CDK16: variants seen among roughly 807,000 people sequenced by gnomAD.
CDK16 encodes the protein cyclin dependent kinase 16, also known as cyclin-dependent kinase 16.
In CDK16, 2 loss-of-function variants were observed where a neutral mutation model predicts 41.6. That is an observed-to-expected ratio of 0.05 (90% CI 0.02 to 0.15). The LOEUF is 0.15. CDK16 is among the 10% of genes least tolerant of loss of function. CDK16 has a pLI of 1.00. For synonymous variants in CDK16, 169 were observed against 169.7 expected (o/e 1.00, Z 0.03); for missense variants, 228 against 428.9 (o/e 0.53, Z 4.14).
chrX:47,228,421 T>C, intron 14 of CDK16, 146 bp from the exon 15 acceptor site: 1 of 453,858 alleles, frequency 2.2e-6, no homozygotes, highest in Non-Finnish European at 3.9e-6. Context: ...TTGTAGCTGG[T>C]TTGTGTATGG....
At chrX:47,227,835 C>G (rs1239021590) in intron 14 of CDK16, 2 of 155,468 alleles carry the variant, frequency 1.3e-5, no homozygotes, top group Non-Finnish European at 2.4e-5. Flanking sequence ...ATGTTAAAAG[C>G]TCCCCACCCC....
chrX:47,222,953 C>CCCCG, intron 1 of CDK16: 2 of 571,075 alleles, frequency 3.5e-6, no homozygotes, highest in Non-Finnish European at 4.7e-6. Flanking sequence ...GACACACGCT[C>CCCCG]CCCTCCCCCC....
At chrX:47,223,811 G>C (rs1231277060) in intron 2 of CDK16, 52 bp downstream of exon 2, 1 of 1,068,070 alleles carries the variant, frequency 9.4e-7, no homozygotes, top group African/African-American at 1.8e-5. Context: ...TGCTTCCCAG[G>C]TGTTGCCTCC....
rs1282188525 is a variant in CDK16 at position 47,229,100 on chromosome X, C to T, written c.*332C>T. On this transcript the variant is annotated 3_prime_UTR_variant, in exon 16 of 16. Coordinates refer to ENST00000357227, the MANE Select transcript of CDK16 (RefSeq NM_006201.5). Reference sequence around the variant, plus strand: ...CCCATCATACCAGCCCCCAGGACCACTACCCCACGGCCAGCCAGGGGTCCA... The same window carrying T: ...CCCATCATACCAGCCCCCAGGACCATTACCCCACGGCCAGCCAGGGGTCCA... The T allele has an allele frequency of 8.2e-6, 3 of 365,782 alleles. No individual in the cohort carries two copies. Among genetic ancestry groups the T allele is most frequent in the Admixed American group, 4.5e-5 (1 of 22,268 alleles). The allele number at this position is 365,782 out of a possible 1,213,427, so 30.1% of individuals were successfully genotyped here.
chrX:47,225,332 G>A (rs1937520283), intron 6 of CDK16, among the ~76,000 whole-genome samples: 1 of 112,131 alleles, frequency 8.9e-6, no homozygotes, highest in South Asian at 3.7e-4. Context: ...GAACACCCCT[G>A]AAAGTGCTCA....
At chrX:47,222,571 T>C (rs1200861007) in intron 1 of CDK16, among the ~76,000 whole-genome samples, 1 of 99,368 alleles carries the variant, frequency 1.0e-5, no homozygotes, top group East Asian at 3.3e-4. Flanking sequence ...GTGTTCCAGG[T>C]ACCAGGAACA....
chrX:47,218,720 A>C lies in CDK16; in HGVS notation c.-392A>C, dbSNP rs782503069. ...CGAGCGCCTGCGTGCGCATGCGCGG[A>C]GCGCGGCGCGCGCGGCGGTTGGGCC... is the stretch of plus-strand genomic sequence containing the variant. On this transcript the variant is annotated 5_prime_UTR_variant, in exon 1 of 16. Transcript: ENST00000357227. The C allele has an allele frequency of 1.9e-4, 223 of 1,159,677 alleles. No homozygotes were observed. In the African/African-American group the frequency reaches 2.9e-3, roughly 15 times the overall value.
In CDK16 at chrX:47,226,715, TG is replaced by T. The variant is rs1326500505; in HGVS notation, c.1037+14del. ...CAGATTGACATGTGGTAAGGACAGG[TG>T]GAAGTGTGGCAGGGGCCATGTGGTA... On this transcript the variant is annotated intron_variant, in intron 10 of 15. Coordinates refer to ENST00000357227, the MANE Select transcript of CDK16 (RefSeq NM_006201.5). 2 of 1,201,309 alleles carry T rather than the reference TG, an allele frequency of 1.7e-6. No individual in the cohort carries two copies. The highest frequency in any genetic ancestry group is 2.3e-6 in the Non-Finnish European group (2 of 888,362).
rs1234271902 is a variant in CDK16, at chrX:47,229,424, C to G, written c.*656C>G. On this transcript the variant is annotated 3_prime_UTR_variant, in exon 16 of 16. Transcript: ENST00000357227. ...GCCTTTCAGAGACAGGGACACAGCC[C>G]CTATTTGGAACCCTGATCATCACCA... The G allele has an allele frequency of 1.5e-5, 5 of 325,088 alleles. No individual in the cohort carries two copies. Among genetic ancestry groups the G allele is most frequent in the Non-Finnish European group, 3.0e-5 (5 of 168,371 alleles). 26.8% of individuals were successfully genotyped at this position (325,088 alleles called of 1,213,427 possible).
chrX:47,224,970 C>T lies in CDK16; in HGVS notation c.520-18C>T, dbSNP rs7887940. ...GAATCTCATAGCACCTCTCCTGTCA[C>T]ACTTCCTCACATTCCAGGGTACCTA... On this transcript the variant is annotated intron_variant, in intron 5 of 15. Coordinates refer to ENST00000357227, the MANE Select transcript of CDK16 (RefSeq NM_006201.5). The T allele has an allele frequency of 5.1e-3, 6,137 of 1,197,602 alleles. 223 individuals are homozygous for T. The African/African-American group carries it at 0.097, about 19-fold the overall frequency.
At chrX:47,227,791 A>G (rs2055257933) in intron 14 of CDK16, 1 of 210,121 alleles carries the variant, frequency 4.8e-6, no homozygotes, top group African/African-American at 3.0e-5. Flanking sequence ...AATGAAACAC[A>G]TCCTTGTAAC....
intron 14 of CDK16, chrX:47,228,359 TTAA>T (rs2055273264): frequency 2.5e-6 from 1 of 401,001 alleles, no homozygotes; most frequent in Admixed American, 4.7e-5. Context: ...CTTGACAAAG[TTAA>T]TAATGATTTC....
rs782505433 is a variant in CDK16, at chrX:47,218,744, C to A, written c.-368C>A. Reference sequence around the variant, plus strand: ...GAGCGCGGCGCGCGCGGCGGTTGGGCCGTTGGCTGTTCGGCCCTGGGATCC... The same window carrying A: ...GAGCGCGGCGCGCGCGGCGGTTGGGACGTTGGCTGTTCGGCCCTGGGATCC... On this transcript the variant is annotated 5_prime_UTR_variant, in exon 1 of 16. Transcript: ENST00000357227. The A allele has an allele frequency of 1.7e-6, 2 of 1,158,750 alleles. No homozygotes were observed. Among genetic ancestry groups the A allele is most frequent in the South Asian group, 3.8e-5 (2 of 52,292 alleles).
chrX:47,219,237 C>T (rs1937224830), intron 1 of CDK16, 132 bp downstream of exon 1: 10 of 655,046 alleles, frequency 1.5e-5, no homozygotes, highest in African/African-American at 4.9e-5. Flanking sequence ...TGCACCGGGG[C>T]GGGGGGTCAT....
At chrX:47,220,605 G>T (rs1290752088) in intron 1 of CDK16, among the ~76,000 whole-genome samples, 1 of 109,745 alleles carries the variant, frequency 9.1e-6, no homozygotes, top group Non-Finnish European at 1.9e-5. Context: ...GCACTAATGG[G>T]GAGGCAGGAC....
Position 47,226,700 on chromosome X carries a change from T to C in CDK16, c.1034T>C (p.Met345Thr), listed in dbSNP as rs1469436533. ...ACGGACTACTCCACTCAGATTGACA[T>C]GTGGTAAGGACAGGTGGAAGTGTGG... ...GSTDYSTQID[M>T]WGVGCIFYEM... Residue 345 changes from methionine to threonine, a missense_variant, in exon 10 of 16, where the codon ATG (methionine) becomes ACG (threonine). By Grantham distance (81) the Met-to-Thr change is moderately conservative. Coordinates refer to ENST00000357227, the MANE Select transcript of CDK16 (RefSeq NM_006201.5). 2 of 1,209,189 alleles carry C rather than the reference T, an allele frequency of 1.7e-6. No homozygotes were observed. Among genetic ancestry groups the C allele is most frequent in the Admixed American group, 4.3e-5 (2 of 46,072 alleles).
Position 47,223,152 on chromosome X carries a change from A to G in CDK16, c.-6-400A>G, listed in dbSNP as rs1045349510. On this transcript the variant is annotated intron_variant, in intron 1 of 15. Transcript: ENST00000357227. ...TCACCCATCCTTCAATTCTGGGCAC[A>G]CGCCCTGGCCGACCCATGGCTGGGC... 2.6e-6 allele frequency: 3 copies of G among 1,155,299 alleles called. No homozygotes were observed. The African/African-American group carries it at 5.4e-5, about 21-fold the overall frequency.
rs777780445 is a variant in CDK16 at position 47,228,781 on chromosome X, G to A, written c.*13G>A. 8 of 1,204,932 alleles carry A rather than the reference G, an allele frequency of 6.6e-6. No individual in the cohort carries two copies. Among genetic ancestry groups the A allele is most frequent in the African/African-American group, 5.3e-5 (3 of 56,917 alleles). ...CACCGAGTTCTAAGCCACAGACCGA[G>A]GCCCCAGCAGGCAGCGGCTGGAGGG... On this transcript the variant is annotated 3_prime_UTR_variant, in exon 16 of 16. Coordinates refer to ENST00000357227, the MANE Select transcript of CDK16 (RefSeq NM_006201.5).
intron 2 of CDK16, 104 bp from the exon 3 acceptor site, chrX:47,224,281 C>A: frequency 1.1e-6 from 1 of 905,966 alleles, no homozygotes; most frequent in Non-Finnish European, 1.5e-6. Context: ...CCTGTGGGGG[C>A]CACGTGCACA....
Sources: gnomAD v4.1 joint callset for allele counts (sites outside exome capture counted in the v4.1 genomes callset) on GRCh38, gnomAD v4.1.1 for gene constraint, MANE v1.5 for transcripts, NCBI Gene and HGNC (gene_info 2026-07-23, HGNC 2026-07-21) for gene names.